Variants in SLC35F3 observed in about 807,000 individuals in gnomAD.
The protein encoded by SLC35F3 is putative thiamine transporter SLC35F3.
Under a neutral mutation model 49.9 loss-of-function variants are expected in SLC35F3, and 25 were observed. The observed-to-expected ratio is 0.50, with a 90% CI of 0.37 to 0.70. SLC35F3 has a LOEUF of 0.70. Ranked by LOEUF, SLC35F3 falls within the 30% of genes least tolerant of loss-of-function variation. The probability of loss-of-function intolerance (pLI) is 0.00; values close to 1 mark genes in which losing one functional copy is unlikely to be tolerated. For synonymous variants in SLC35F3, 275 were observed against 265.4 expected (o/e 1.04, Z -0.35); for missense variants, 525 against 639.8 (o/e 0.82, Z 1.94).
intron 3 of SLC35F3, among the ~76,000 whole-genome samples, chr1:234,264,234 C>A (rs1267751102): frequency 6.6e-6 from 1 of 152,226 alleles, no homozygotes; most frequent in African/African-American, 2.4e-5. Context: ...GACTAACCCA[C>A]CAGGTGTGCA....
chr1:233,999,568 G>A (rs1663517405), intron 2 of SLC35F3, among the ~76,000 whole-genome samples: 1 of 152,000 alleles, frequency 6.6e-6, no homozygotes, highest in African/African-American at 2.4e-5. Context: ...TTCCTGTATT[G>A]TGCCTTTGCT....
intron 3 of SLC35F3, among the ~76,000 whole-genome samples, chr1:234,279,659 A>T (rs2102980107): frequency 6.6e-6 from 1 of 152,320 alleles, no homozygotes; most frequent in Non-Finnish European, 1.5e-5. Flanking sequence ...ACCCAAGTGA[A>T]CATGGGCAAA....
chr1:234,129,180 C>G lies in SLC35F3; in HGVS notation c.284-102237C>G, dbSNP rs563674298. On this transcript the variant is annotated intron_variant, in intron 2 of 7. Transcript: ENST00000366618. ...ATACACCTCCAACAGGACTTAAAAA[C>G]ATAAATAGGCACTTTACAATAGAGG... Among the ~76,000 whole-genome samples the G allele has an allele frequency of 7.9e-5, 12 of 152,272 alleles. No individual in the cohort carries two copies. The South Asian group carries it at 8.3e-4, about 11-fold the overall frequency.
intron 2 of SLC35F3, among the ~76,000 whole-genome samples, chr1:233,950,375 G>C (rs1222830747): frequency 2.4e-4 from 23 of 97,502 alleles, no homozygotes; most frequent in African/African-American, 1.0e-3. Context: ...GACAGAGCAA[G>C]ACTCTGTCTC....
rs138200973 is a variant in SLC35F3 at position 233,957,360 on chromosome 1, G to A, written c.283+51602G>A. ...CCATCTTCATTCTACTAACTGATGCGCTACTCAGTTCATCAGGGTGTGGGC... is the reference window on the plus strand; with the variant it reads ...CCATCTTCATTCTACTAACTGATGCACTACTCAGTTCATCAGGGTGTGGGC... On this transcript the variant is annotated intron_variant, in intron 2 of 7. Coordinates refer to ENST00000366618, the MANE Select transcript of SLC35F3 (RefSeq NM_173508.4). This position sits in a 1 kb window ranked among gnomAD's most constrained non-coding sequence, Gnocchi z 4.0. Among the ~76,000 whole-genome samples, 1,241 of 152,240 alleles carry A rather than the reference G, an allele frequency of 8.2e-3. 14 individuals carry two copies. The highest frequency in any genetic ancestry group is 0.017 in the Middle Eastern group (5 of 294).
At chr1:234,250,351 T>C (rs1465000099) in intron 3 of SLC35F3, among the ~76,000 whole-genome samples, 3 of 152,198 alleles carry the variant, frequency 2.0e-5, no homozygotes, top group African/African-American at 7.2e-5. Context: ...CTGGGTCACT[T>C]ACAAAGAAAA....
At chr1:234,263,903 G>T (rs1378072262) in intron 3 of SLC35F3, among the ~76,000 whole-genome samples, 1 of 152,184 alleles carries the variant, frequency 6.6e-6, no homozygotes, top group Non-Finnish European at 1.5e-5. Flanking sequence ...GAGGTCAGGA[G>T]TTCGAGACCA....
At chr1:234,140,706 C>T (rs1196825167) in intron 2 of SLC35F3, among the ~76,000 whole-genome samples, 1 of 152,082 alleles carries the variant, frequency 6.6e-6, no homozygotes, top group East Asian at 1.9e-4. Context: ...GGAAACTATG[C>T]GATGTATTGT....
chr1:234,196,362 T>C (rs1179102432), intron 2 of SLC35F3, among the ~76,000 whole-genome samples: 1 of 152,224 alleles, frequency 6.6e-6, no homozygotes, highest in Non-Finnish European at 1.5e-5. Context: ...GCCTGTGGGG[T>C]AGCCCTGCTC....
chr1:234,088,157 TTTG>T lies in SLC35F3; in HGVS notation c.284-143245_284-143243del, dbSNP rs943069159. Among the ~76,000 whole-genome samples the T allele has an allele frequency of 2.0e-3, 307 of 152,194 alleles. 1 individual carries two copies. The highest frequency in any genetic ancestry group is 7.0e-3 in the African/African-American group (289 of 41,526). On this transcript the variant is annotated intron_variant, in intron 2 of 7. Transcript: ENST00000366618. ...AGATAGAAGGTACTCAGTAAACAGTTTTGTTGTTGTTGTTGTTTTGAGACAGAG... is the reference window on the plus strand; with the variant it reads ...AGATAGAAGGTACTCAGTAAACAGTTTTGTTGTTGTTGTTTTGAGACAGAG...
intron 2 of SLC35F3, among the ~76,000 whole-genome samples, chr1:234,216,597 C>T (rs778946455): frequency 2.0e-5 from 3 of 152,208 alleles, no homozygotes; most frequent in African/African-American, 4.8e-5. Context: ...GCAGCTGCCT[C>T]GCCACGGGCT....
intron 2 of SLC35F3, among the ~76,000 whole-genome samples, chr1:234,098,249 G>A (rs543862151): frequency 2.0e-5 from 3 of 151,616 alleles, no homozygotes; most frequent in African/African-American, 7.3e-5. Context: ...TGATGGAGGT[G>A]GTGATTGTGT....
intron 2 of SLC35F3, among the ~76,000 whole-genome samples, chr1:234,160,499 C>T (rs908838681): frequency 1.3e-5 from 2 of 152,180 alleles, no homozygotes. Flanking sequence ...TTGTGGACTT[C>T]CCCTTTGAGT....
At chr1:233,996,130 A>G (rs375085968) in intron 2 of SLC35F3, among the ~76,000 whole-genome samples, 2 of 152,146 alleles carry the variant, frequency 1.3e-5, no homozygotes, top group Non-Finnish European at 2.9e-5. Flanking sequence ...CATAGATTCA[A>G]CCAATCAAGA....
chr1:234,230,043 T>A (rs561069153), intron 2 of SLC35F3, among the ~76,000 whole-genome samples: 1 of 152,176 alleles, frequency 6.6e-6, no homozygotes, highest in East Asian at 1.9e-4. Flanking sequence ...CTTTTCAACT[T>A]GGATATGTGA....
intron 2 of SLC35F3, among the ~76,000 whole-genome samples, chr1:234,216,208 GTGTC>G (rs1364809021): frequency 1.3e-5 from 2 of 152,202 alleles, no homozygotes; most frequent in Non-Finnish European, 2.9e-5. Context: ...CAGGGAGTGA[GTGTC>G]TGCTCACTCA....
At chr1:234,271,566 GA>G in intron 3 of SLC35F3, among the ~76,000 whole-genome samples, 1 of 152,250 alleles carries the variant, frequency 6.6e-6, no homozygotes, top group Middle Eastern at 3.4e-3. Context: ...ACCCATCAGG[GA>G]AAATGTAAAA....
intron 2 of SLC35F3, among the ~76,000 whole-genome samples, chr1:234,156,063 G>A (rs1196555672): frequency 6.6e-6 from 1 of 151,834 alleles, no homozygotes; most frequent in Non-Finnish European, 1.5e-5. Flanking sequence ...CAAATCAAAA[G>A]TTTATACTTT....
At chr1:234,273,220 C>T (rs1042727203) in intron 3 of SLC35F3, among the ~76,000 whole-genome samples, 4 of 152,228 alleles carry the variant, frequency 2.6e-5, no homozygotes, top group African/African-American at 7.2e-5. Context: ...CAAACCCAGA[C>T]GTCTGACTGC....
Sources: allele counts gnomAD v4.1 joint callset (sites outside exome capture counted in the v4.1 genomes callset), GRCh38; gene constraint gnomAD v4.1.1; non-coding constraint Gnocchi (gnomAD v3.1); transcripts MANE v1.5; gene names NCBI Gene and HGNC (gene_info 2026-07-23, HGNC 2026-07-21).